The following ARID5B variants were observed in gnomAD, a reference collection of about 807,000 sequenced individuals.
ARID5B encodes AT-rich interactive domain-containing protein 5B.
In ARID5B, 13 loss-of-function variants were observed where a neutral mutation model predicts 97.2. The observed-to-expected ratio is 0.13, with a 90% confidence interval of 0.09 to 0.21. The LOEUF (loss-of-function observed/expected upper bound fraction) is 0.21, where lower values mean the gene tolerates loss of function less well. ARID5B is among the 10% of genes least tolerant of loss of function. The pLI is 1.00. For missense variants in ARID5B, 1,210 were observed against 1,465.3 expected (o/e 0.83, Z 2.84); for synonymous variants, 556 against 570.3 (o/e 0.97, Z 0.36).
intron 3 of ARID5B, among the ~76,000 whole-genome samples, chr10:61,991,040 G>GCACA (rs1838916265): frequency 6.5e-5 from 1 of 15,364 alleles, no homozygotes; most frequent in Admixed American, 7.7e-4. Context: ...TATTTATCCT[G>GCACA]TACACACACA....
At chr10:61,991,156 A>G (rs1455388236) in intron 3 of ARID5B, among the ~76,000 whole-genome samples, 2 of 152,090 alleles carry the variant, frequency 1.3e-5, no homozygotes, top group Admixed American at 1.3e-4. Context: ...GCTACAATCA[A>G]CATTGGTATG....
In ARID5B at chr10:62,095,590, G is replaced by GC. The variant is rs1398675476; in HGVS notation, c.*2561dup. On this transcript the variant is annotated 3_prime_UTR_variant, in exon 10 of 10. Coordinates refer to ENST00000279873, the MANE Select transcript of ARID5B (RefSeq NM_032199.3). Reference sequence around the variant, plus strand: ...CTGTCTGAGGAAGCTCATACCCTCGGCAAAACATCAGGACAAATAAAGAGA... The same window carrying GC: ...CTGTCTGAGGAAGCTCATACCCTCGGCCAAAACATCAGGACAAATAAAGAGA... The GC allele has an allele frequency of 1.5e-4, 36 of 233,274 alleles. No homozygotes were observed. The highest frequency in any genetic ancestry group is 4.2e-5 in the Non-Finnish European group (5 of 117,894). The allele number at this position is 233,274 out of a possible 1,614,324, so 14.5% of individuals were successfully genotyped here. A position where few individuals can be genotyped will look rare whatever the true frequency, so the allele number is the denominator to read the frequency against.
At chr10:62,006,437 C>T (rs185233548) in intron 4 of ARID5B, among the ~76,000 whole-genome samples, 4 of 152,188 alleles carry the variant, frequency 2.6e-5, no homozygotes, top group Admixed American at 2.0e-4. Context: ...GCAAAAACTC[C>T]GTTTCAAACA....
intron 7 of ARID5B, among the ~76,000 whole-genome samples, chr10:62,060,155 G>C (rs916264720): frequency 1.3e-5 from 2 of 152,132 alleles, no homozygotes; most frequent in African/African-American, 4.8e-5. Context: ...CTGTACCATA[G>C]TAAAATGACA....
At chr10:61,930,115 A>G (rs951906567) in intron 2 of ARID5B, among the ~76,000 whole-genome samples, 8 of 152,216 alleles carry the variant, frequency 5.3e-5, no homozygotes, top group African/African-American at 1.9e-4. Flanking sequence ...TTCTTTAAGG[A>G]GTGATATGCA....
chr10:62,050,912 G>A lies in ARID5B; in HGVS notation c.758G>A (p.Arg253His). ...GCGCCAAATCTTAAAGGCAGACCAC[G>A]CAAAAAGAAACCATGCCCACAAAGA... Reference protein sequence around the residue: ...EFAPNLKGRPRKKKPCPQRRD... With the variant: ...EFAPNLKGRPHKKKPCPQRRD... Residue 253 changes from arginine (R) to histidine (H), a missense_variant, in exon 5 of 10, where the codon CGC becomes CAC. By Grantham distance (29) the Arg-to-His change is conservative. Coordinates refer to ENST00000279873, the MANE Select transcript of ARID5B (RefSeq NM_032199.3). 7 of 1,614,102 alleles carry A rather than the reference G, an allele frequency of 4.3e-6. No individual in the cohort carries two copies. Among genetic ancestry groups the A allele is most frequent in the East Asian group, 2.2e-5 (1 of 44,880 alleles).
chr10:62,086,039 T>A, intron 9 of ARID5B, 139 bp downstream of exon 9: 1 of 890,334 alleles, frequency 1.1e-6, no homozygotes, highest in Admixed American at 2.5e-5. Flanking sequence ...AGCTTCACAG[T>A]TCCCCACATA....
rs530875312 is a variant in ARID5B, at chr10:62,075,306, A to G, written c.1199+5509A>G. ...ACCTAACTTACAAACACTGGCTCCA[A>G]TATTTAAAAAAATATTTTATATAAG... On this transcript the variant is annotated intron_variant, in intron 8 of 9. Coordinates refer to ENST00000279873, the MANE Select transcript of ARID5B (RefSeq NM_032199.3). 9.2e-5 allele frequency among the ~76,000 whole-genome samples: 14 copies of G among 152,332 alleles called. No homozygotes were observed. In the South Asian group the frequency reaches 2.9e-3, roughly 32 times the overall value.
At chr10:62,069,876 G>A (rs1189704960) in intron 8 of ARID5B, 79 bp downstream of exon 8, 21 of 1,427,656 alleles carry the variant, frequency 1.5e-5, no homozygotes, top group South Asian at 3.7e-5. Context: ...TAAGACAGAG[G>A]AAGTCTAAAT....
intron 4 of ARID5B, chr10:62,024,606 G>T (rs1839397018): frequency 1.8e-5 from 7 of 388,618 alleles, no homozygotes; most frequent in Non-Finnish European, 3.2e-5. Context: ...CAGATAAGAA[G>T]CTAGGAAAGA....
intron 8 of ARID5B, among the ~76,000 whole-genome samples, chr10:62,082,576 C>T (rs1002124834): frequency 3.9e-5 from 6 of 152,134 alleles, no homozygotes; most frequent in Admixed American, 1.3e-4. Context: ...AACCTCAAGG[C>T]GCAGGCATGG....
intron 3 of ARID5B, among the ~76,000 whole-genome samples, chr10:61,990,131 G>A (rs1838903442): frequency 6.6e-6 from 1 of 152,202 alleles, no homozygotes; most frequent in Non-Finnish European, 1.5e-5. Flanking sequence ...ATGAGTCACT[G>A]ACAGAGGCAA....
At chr10:62,060,280 G>A (rs1839905603) in intron 7 of ARID5B, among the ~76,000 whole-genome samples, 3 of 152,184 alleles carry the variant, frequency 2.0e-5, no homozygotes, top group Non-Finnish European at 2.9e-5. Context: ...TTTGATGTGC[G>A]GGTCTTGGGA....
chr10:61,912,381 T>C (rs1019401049), intron 2 of ARID5B, among the ~76,000 whole-genome samples: 2 of 151,398 alleles, frequency 1.3e-5, no homozygotes, highest in Non-Finnish European at 2.9e-5. Context: ...TTAATAGTAC[T>C]GTATTGTATA....
rs1306358500 is a variant in ARID5B at position 62,000,370 on chromosome 10, AGTT to A, written c.733+53_733+55del. Reference sequence around the variant, plus strand: ...ACCTGATTCTTGTGCGTGTGTGCCTAGTTGTTTTCAGTTCTTCTGAAGAGCGGT... The same window carrying A: ...ACCTGATTCTTGTGCGTGTGTGCCTAGTTTTCAGTTCTTCTGAAGAGCGGT... On this transcript the variant is annotated intron_variant, in intron 4 of 9. Transcript: ENST00000279873. This position sits in a 1 kb window ranked among gnomAD's most constrained non-coding sequence, Gnocchi z 4.4. 8.1e-6 allele frequency: 12 copies of A among 1,478,798 alleles called. No homozygotes were observed. The highest frequency in any genetic ancestry group is 1.1e-5 in the Non-Finnish European group (12 of 1,091,406). 91.6% of individuals were successfully genotyped at this position (1,478,798 alleles called of 1,614,324 possible).
intron 3 of ARID5B, among the ~76,000 whole-genome samples, chr10:61,986,180 G>A (rs759622232): frequency 1.3e-5 from 2 of 152,022 alleles, no homozygotes; most frequent in African/African-American, 2.4e-5. Flanking sequence ...ATAGTGCCAG[G>A]CAACTTGCCC....
At chr10:62,011,740 C>A (rs1315151331) in intron 4 of ARID5B, among the ~76,000 whole-genome samples, 1 of 152,202 alleles carries the variant, frequency 6.6e-6, no homozygotes, top group Non-Finnish European at 1.5e-5. Flanking sequence ...CTTGACCCCA[C>A]CAGGAAGTTG....
intron 3 of ARID5B, among the ~76,000 whole-genome samples, chr10:61,966,365 T>C (rs984038266): frequency 2.0e-5 from 3 of 152,174 alleles, no homozygotes; most frequent in African/African-American, 7.2e-5. Flanking sequence ...GTCATCTTTC[T>C]CCCTGTGTTT....
In ARID5B at chr10:62,006,556, C is replaced by G. The variant is rs1839149453; in HGVS notation, c.733+6235C>G. On this transcript the variant is annotated intron_variant, in intron 4 of 9. Transcript: ENST00000279873. ...AAAACAAGGAGAACCTTAAGGTCATCATATGGCATAGTAAACCAAACCCAA... is the reference window on the plus strand; with the variant it reads ...AAAACAAGGAGAACCTTAAGGTCATGATATGGCATAGTAAACCAAACCCAA... 2.6e-5 allele frequency among the ~76,000 whole-genome samples: 4 copies of G among 152,198 alleles called. No individual in the cohort carries two copies. In the South Asian group the frequency reaches 6.2e-4, roughly 24 times the overall value.
Sources: allele counts gnomAD v4.1 joint callset (sites outside exome capture counted in the v4.1 genomes callset), GRCh38; gene constraint gnomAD v4.1.1; non-coding constraint Gnocchi (gnomAD v3.1); transcripts MANE v1.5; gene names NCBI Gene and HGNC (gene_info 2026-07-23, HGNC 2026-07-21).